The following SEC16A variants were observed in gnomAD, a reference collection of about 807,000 sequenced individuals.
The protein encoded by SEC16A is protein transport protein Sec16A.
Under a neutral mutation model 221.9 loss-of-function variants are expected in SEC16A, and 110 were observed. The observed-to-expected ratio is 0.50, with a 90% CI of 0.42 to 0.58. The LOEUF (loss-of-function observed/expected upper bound fraction) is 0.58, where lower values mean the gene tolerates loss of function less well. Ranked by LOEUF, SEC16A falls within the 20% of genes least tolerant of loss-of-function variation. The pLI, the probability that SEC16A is intolerant of heterozygous loss-of-function variation, is 0.00. For missense variants in SEC16A, 3,165 were observed against 3,097.8 expected, an observed-to-expected ratio of 1.02 and a Z score of -0.52; for synonymous variants, 1,393 against 1,257.7, an observed-to-expected ratio of 1.11 and a Z score of -2.28.
At chr9:136,446,104 G>GTTTTT (rs900305729) in intron 28 of SEC16A, among the ~76,000 whole-genome samples, 1 of 135,112 alleles carries the variant, frequency 7.4e-6, no homozygotes, top group East Asian at 2.1e-4. Context: ...GTCTGAGCTG[G>GTTTTT]TTTTTTTTTT....
Position 136,474,560 on chromosome 9 carries a change from G to A in SEC16A, c.3056C>T (p.Ser1019Phe). The change falls in exon 3 of 32, where the codon TCT (serine) becomes TTT (phenylalanine). Residue 1019 changes from serine (S) to phenylalanine (F), a missense_variant. Transcript: ENST00000684901. ...GGGATGACTGGCAACACTTTGCTGA[G>A]AAGCGAGGCTGTCAGAATGGGACGG... ...YNPSHSDSLA[S>F]QQSVASHPRQ... is the part of the protein sequence containing the mutation. 1 of 1,612,906 alleles carries A rather than the reference G, an allele frequency of 6.2e-7. No homozygotes were observed. Among genetic ancestry groups the A allele is most frequent in the Non-Finnish European group, 8.5e-7 (1 of 1,179,820 alleles).
chr9:136,450,634 CTAAGT>C (rs1837658515), intron 23 of SEC16A, among the ~76,000 whole-genome samples: 1 of 152,188 alleles, frequency 6.6e-6, no homozygotes, highest in Non-Finnish European at 1.5e-5. Context: ...AGCACAATGG[CTAAGT>C]TAAAGAACCG....
chr9:136,475,380 C>G lies in SEC16A; in HGVS notation c.2236G>C (p.Ala746Pro), dbSNP rs572920071. ...TGAGGTTTTGCACACACATAAAGCG[C>G]CGGGGCTGCAGGGGCCAGAAGGACG... ...GNVLLAPAAP[A>P]LYVCAKPQPP... The change falls in exon 3 of 32, where the codon GCG becomes CCG. Residue 746 changes from alanine (A) to proline (P), a missense_variant. By Grantham distance (27) the Ala-to-Pro change is conservative (BLOSUM62 -1). Transcript: ENST00000684901. The surrounding 1 kb of genome is among the most constrained non-coding windows in gnomAD (Gnocchi z 5.0). The G allele has an allele frequency of 1.2e-6, 2 of 1,609,482 alleles. No individual in the cohort carries two copies. Among genetic ancestry groups the G allele is most frequent in the South Asian group, 2.2e-5 (2 of 90,850 alleles).
Position 136,475,118 on chromosome 9 carries a change from G to A in SEC16A, c.2498C>T (p.Pro833Leu), listed in dbSNP as rs374758597. ...CTGAGCCAGATTATAGCTGTGATCA[G>A]GCTGAGCAATCAAGACTGGAGGATT... ...LQNPPVLIAQ[P>L]DHSYNLAQPI... Residue 833 changes from proline (P) to leucine (L), a missense_variant, in exon 3 of 32, where the codon CCT (proline) becomes CTT (leucine). Physicochemically the swap from Pro to Leu is moderately conservative, Grantham distance 98. This residue lies in a region of SEC16A where 2,030 missense variants were observed against 1,923.1 expected (regional missense o/e 1.06). Coordinates refer to ENST00000684901, the MANE Select transcript of SEC16A (RefSeq NM_014866.2). The surrounding 1 kb of genome is among the most constrained non-coding windows in gnomAD (Gnocchi z 5.0). The A allele has an allele frequency of 1.9e-6, 3 of 1,613,956 alleles. No individual in the cohort carries two copies. The highest frequency in any genetic ancestry group is 2.2e-5 in the East Asian group (1 of 44,886).
upstream of SEC16A, among the ~76,000 whole-genome samples, chr9:136,483,330 C>T (rs1842658841): frequency 7.0e-6 from 1 of 143,646 alleles, no homozygotes; most frequent in Non-Finnish European, 1.5e-5. Flanking sequence ...TCCCGCTCCC[C>T]TTGGCCCCGC....
rs539668441 is a variant in SEC16A, at chr9:136,459,485, C to A, written c.5262G>T (p.Thr1754=). 16 of 1,608,054 alleles carry A rather than the reference C, an allele frequency of 9.9e-6. No individual in the cohort carries two copies. The highest frequency in any genetic ancestry group is 1.7e-4 in the Middle Eastern group (1 of 6,056). ...TTAAGACAAGCTTTGTAGTTTTCTTCGTGTAAACACCAAATCCCGCCTGGG... is the reference window on the plus strand; with the variant it reads ...TTAAGACAAGCTTTGTAGTTTTCTTAGTGTAAACACCAAATCCCGCCTGGG... The part of the protein sequence containing the change: ...LMAQAGFGVY[T]KKTTKLVLIG... The change falls in exon 16 of 32, where the codon ACG becomes ACT. Residue 1754 remains threonine (T), a synonymous_variant. Coordinates refer to ENST00000684901, the MANE Select transcript of SEC16A (RefSeq NM_014866.2). The surrounding 1 kb of genome is among the most constrained non-coding windows in gnomAD (Gnocchi z 6.1).
At chr9:136,470,322 G>A (rs1356871070) in intron 4 of SEC16A, among the ~76,000 whole-genome samples, 2 of 152,190 alleles carry the variant, frequency 1.3e-5, no homozygotes, top group Non-Finnish European at 2.9e-5. Context: ...TCCGTAGCAC[G>A]AGCCACCACT....
chr9:136,462,504 C>T (rs73670278), intron 12 of SEC16A, among the ~76,000 whole-genome samples: 1,540 of 152,360 alleles, frequency 0.01, 21 homozygotes, highest in African/African-American at 0.034. Context: ...GCCCTCCCAA[C>T]TCCCAATGAC....
intron 29 of SEC16A, 101 bp from the exon 30 acceptor site, chr9:136,445,212 C>T (rs140661698): frequency 5.1e-6 from 5 of 980,716 alleles, no homozygotes; most frequent in Middle Eastern, 2.1e-4. Flanking sequence ...CTTTGTGATG[C>T]CATTAGAATC....
At chr9:136,448,269 C>T (rs139964816) in intron 23 of SEC16A, 108 bp from the exon 24 acceptor site, 9,600 of 868,404 alleles carry the variant, frequency 0.011, 78 homozygotes, top group Non-Finnish European at 0.015. Flanking sequence ...GCCCCAGAGT[C>T]GCCAGATCCA....
Position 136,477,685 on chromosome 9 carries a change from C to G in SEC16A, c.-69-1G>C. On this transcript the variant is annotated splice_acceptor_variant, in intron 2 of 31. Coordinates refer to ENST00000684901, the MANE Select transcript of SEC16A (RefSeq NM_014866.2). LOFTEE classifies it low-confidence loss of function (5UTR_SPLICE). ...GGATATAGCTGTTCCTTAATTGGAGCTGGAAAAGAAAAAGAGAAAATCAGC... is the reference window on the plus strand; with the variant it reads ...GGATATAGCTGTTCCTTAATTGGAGGTGGAAAAGAAAAAGAGAAAATCAGC... 2.7e-6 allele frequency: 4 copies of G among 1,462,962 alleles called. No individual in the cohort carries two copies. The highest frequency in any genetic ancestry group is 1.4e-5 in the South Asian group (1 of 71,596). The allele number at this position is 1,462,962 out of a possible 1,614,324, so 90.6% of individuals were successfully genotyped here. A position where few individuals can be genotyped will look rare whatever the true frequency, so the allele number is the denominator to read the frequency against.
chr9:136,484,462 T>C (rs34376913), upstream of SEC16A: 302,616 of 1,206,544 alleles, frequency 0.25, 40,161 homozygotes, highest in Non-Finnish European at 0.28. Flanking sequence ...CCGGGCCCAC[T>C]CACCTGCACA....
At chr9:136,467,339 T>C (rs1840287964) in intron 5 of SEC16A, among the ~76,000 whole-genome samples, 1 of 152,214 alleles carries the variant, frequency 6.6e-6, no homozygotes, top group Non-Finnish European at 1.5e-5. Context: ...TTAGAAAAGG[T>C]GCTAAAAGAT....
intron 4 of SEC16A, among the ~76,000 whole-genome samples, chr9:136,469,407 C>T (rs1204007415): frequency 1.3e-5 from 2 of 152,176 alleles, no homozygotes; most frequent in African/African-American, 2.4e-5. Flanking sequence ...AGGAGAAGCA[C>T]AAGTTAGTAC....
chr9:136,453,527 G>C lies in SEC16A; in HGVS notation c.6077-17C>G. On this transcript the variant is annotated splice_polypyrimidine_tract_variant and intron_variant, in intron 21 of 31. Transcript: ENST00000684901. ...GCACTATCCCTGTCAACGGGAAAGA[G>C]AGCAACTATGATCTCAGTCACGAGA... The C allele has an allele frequency of 6.2e-7, 1 of 1,601,630 alleles. No homozygotes were observed. Among genetic ancestry groups the C allele is most frequent in the African/African-American group, 1.3e-5 (1 of 74,856 alleles).
In SEC16A at chr9:136,441,651, C is replaced by T. The variant is rs1836192893; in HGVS notation, c.*104G>A. The T allele has an allele frequency of 1.1e-6, 1 of 943,996 alleles. No individual in the cohort carries two copies. Among genetic ancestry groups the T allele is most frequent in the Non-Finnish European group, 1.7e-6 (1 of 589,250 alleles). 58.5% of individuals were successfully genotyped at this position (943,996 alleles called of 1,614,324 possible). Reference sequence around the variant, plus strand: ...GTGTGCGACCAGCTCTGAGTCACTGCTGTGTCTCCCTGGGGGCGGGACGGA... The same window carrying T: ...GTGTGCGACCAGCTCTGAGTCACTGTTGTGTCTCCCTGGGGGCGGGACGGA... On this transcript the variant is annotated 3_prime_UTR_variant, in exon 32 of 32. Coordinates refer to ENST00000684901, the MANE Select transcript of SEC16A (RefSeq NM_014866.2).
At position 136,474,299 on chromosome 9, in the gene SEC16A, A is replaced by G; in HGVS notation, c.3317T>C (p.Val1106Ala). The G allele has an allele frequency of 6.2e-7, 1 of 1,610,094 alleles. No individual in the cohort carries two copies. Among genetic ancestry groups the G allele is most frequent in the Non-Finnish European group, 8.5e-7 (1 of 1,178,488 alleles). ...SAQSPASLVL[V>A]DAGQQLPPRP... ...AGGGGGCAGCTGCTGACCCGCGTCGACCAGAACCAGACTTGCTGGTGACTG... is the reference window on the plus strand; with the variant it reads ...AGGGGGCAGCTGCTGACCCGCGTCGGCCAGAACCAGACTTGCTGGTGACTG... Residue 1106 changes from valine (V) to alanine (A), a missense_variant, in exon 3 of 32, where the codon GTC becomes GCC. Physicochemically the swap from Val to Ala is moderately conservative, Grantham distance 64. This residue lies in a region of SEC16A where 2,030 missense variants were observed against 1,923.1 expected (regional missense o/e 1.06). Transcript: ENST00000684901.
intron 28 of SEC16A, among the ~76,000 whole-genome samples, chr9:136,446,104 GTTTTTT>G (rs900305729): frequency 3.7e-5 from 5 of 135,112 alleles, no homozygotes; most frequent in African/African-American, 1.4e-4. Flanking sequence ...GTCTGAGCTG[GTTTTTT>G]TTTTTTTTTT....
At position 136,474,718 on chromosome 9, in the gene SEC16A, TAAC is replaced by T. The variant is rs1841389671; in HGVS notation, c.2895_2897del (p.Leu966del). ...CCAGGGTGCCGTGTGCAGGTGGAAC[TAAC>T]ACCACACTTGTGCTTCCAGCAGGGC... On this transcript the variant is annotated inframe_deletion, in exon 3 of 32. Coordinates refer to ENST00000684901, the MANE Select transcript of SEC16A (RefSeq NM_014866.2). The T allele has an allele frequency of 6.2e-7, 1 of 1,613,876 alleles. No homozygotes were observed. Among genetic ancestry groups the T allele is most frequent in the Non-Finnish European group, 8.5e-7 (1 of 1,179,886 alleles).
Sources: gnomAD v4.1 joint callset for allele counts (sites outside exome capture counted in the v4.1 genomes callset) on GRCh38, gnomAD v4.1.1 for gene constraint, gnomAD v4.1.1 regional missense constraint, Gnocchi (gnomAD v3.1) non-coding constraint, MANE v1.5 for transcripts, NCBI Gene and HGNC (gene_info 2026-07-23, HGNC 2026-07-21) for gene names.